Variants in JAZF1 observed in about 807,000 individuals in gnomAD.
JAZF1 encodes the protein JAZF zinc finger 1.
JAZF1 carries 8 observed loss-of-function variants against 26.4 expected under a neutral mutation model. The ratio of observed to expected loss-of-function variants is 0.30; its 90% CI spans 0.18 to 0.55. The LOEUF (loss-of-function observed/expected upper bound fraction) is 0.55. Among genes scored for constraint, JAZF1 ranks in the 20% least tolerant of loss-of-function variants. JAZF1 has a pLI of 0.94. For synonymous variants in JAZF1, 126 were observed against 122.3 expected (o/e 1.03, Z -0.20); for missense variants, 199 against 322.0 (o/e 0.62, Z 2.92).
chr7:28,073,904 T>C (rs1409377204), intron 1 of JAZF1, among the ~76,000 whole-genome samples: 1 of 148,790 alleles, frequency 6.7e-6, no homozygotes, highest in Non-Finnish European at 1.5e-5. Flanking sequence ...AGAAATTGCA[T>C]AAGAAAAAAG....
intron 2 of JAZF1, among the ~76,000 whole-genome samples, chr7:27,956,119 C>G (rs1350330556): frequency 6.6e-6 from 1 of 152,138 alleles, no homozygotes; most frequent in East Asian, 1.9e-4. Flanking sequence ...TCAAGGAAGT[C>G]TGTGAGTAGG....
intron 3 of JAZF1, among the ~76,000 whole-genome samples, chr7:27,868,763 T>A (rs1364646396): frequency 6.6e-6 from 1 of 152,154 alleles, no homozygotes; most frequent in Non-Finnish European, 1.5e-5. Flanking sequence ...CTTGGGGACT[T>A]ACTCCTTCAA....
intron 1 of JAZF1, among the ~76,000 whole-genome samples, chr7:28,166,101 G>A (rs1255967403): frequency 6.6e-6 from 1 of 151,188 alleles, no homozygotes; most frequent in Non-Finnish European, 1.5e-5. Context: ...TAACAAAAGA[G>A]GCCCTTGGTT....
At chr7:27,918,870 C>T (rs1366048247) in intron 2 of JAZF1, among the ~76,000 whole-genome samples, 2 of 152,044 alleles carry the variant, frequency 1.3e-5, no homozygotes, top group Admixed American at 1.3e-4. Context: ...ATTTGGTGAG[C>T]TTATACTAAA....
At position 27,832,877 on chromosome 7, in the gene JAZF1, C is replaced by A; in HGVS notation, c.655G>T (p.Ala219Ser). 6.2e-7 allele frequency: 1 copy of A among 1,613,298 alleles called. No homozygotes were observed. The highest frequency in any genetic ancestry group is 8.5e-7 in the Non-Finnish European group (1 of 1,179,686). ...KCRCGKSYKT[A>S]QGLRHHTINF... ...ATTGTGTGGTGCCGCAGGCCCTGAG[C>A]TGTCTTGTAACTCTTCCCACAGCGA... The change falls in exon 5 of 5, where the codon GCT becomes TCT. Residue 219 changes from alanine (A) to serine (S), a missense_variant. Transcript: ENST00000283928.
intron 1 of JAZF1, among the ~76,000 whole-genome samples, chr7:28,088,393 A>G (rs1784241858): frequency 6.6e-6 from 1 of 152,222 alleles, no homozygotes; most frequent in Admixed American, 6.5e-5. Flanking sequence ...TAGGCAATAC[A>G]TTAATAAGTG....
At chr7:27,834,408 A>C (rs1469257773) in intron 4 of JAZF1, among the ~76,000 whole-genome samples, 1 of 152,216 alleles carries the variant, frequency 6.6e-6, no homozygotes, top group Non-Finnish European at 1.5e-5. Context: ...AGGGGTGCCA[A>C]GTAGCAGCTG....
At chr7:27,910,720 G>A (rs7805497) in intron 2 of JAZF1, among the ~76,000 whole-genome samples, 35,786 of 152,064 alleles carry the variant, frequency 0.24, 4,722 homozygotes, top group Non-Finnish European at 0.3. Context: ...ACTTGCGTAT[G>A]CAGGAATGGT....
chr7:27,882,888 G>A (rs1202690083), intron 3 of JAZF1, among the ~76,000 whole-genome samples: 4 of 152,188 alleles, frequency 2.6e-5, no homozygotes, highest in Non-Finnish European at 5.9e-5. Flanking sequence ...TGTCTGGGCT[G>A]TGAATTCTTC....
chr7:28,125,084 C>T (rs1449643497), intron 1 of JAZF1, among the ~76,000 whole-genome samples: 9 of 150,952 alleles, frequency 6.0e-5, no homozygotes, highest in African/African-American at 2.2e-4. Flanking sequence ...CTGAATAGTG[C>T]CTAATATTCT....
intron 3 of JAZF1, among the ~76,000 whole-genome samples, chr7:27,894,691 A>T (rs1002502106): frequency 2.6e-5 from 4 of 152,196 alleles, no homozygotes; most frequent in Non-Finnish European, 4.4e-5. Flanking sequence ...TGAAAAAGCT[A>T]AATTGAAGGG....
intron 2 of JAZF1, among the ~76,000 whole-genome samples, chr7:27,906,687 A>C (rs2128344162): frequency 6.6e-6 from 1 of 152,336 alleles, no homozygotes; most frequent in South Asian, 2.1e-4. Flanking sequence ...AATAAAAAAC[A>C]CTTCTGAAAG....
At chr7:27,847,551 T>C (rs910385173) in intron 3 of JAZF1, among the ~76,000 whole-genome samples, 1 of 152,166 alleles carries the variant, frequency 6.6e-6, no homozygotes, top group Non-Finnish European at 1.5e-5. Flanking sequence ...CTTTCCCCAT[T>C]GTGTTCCCTC....
At chr7:28,135,266 C>T (rs1196155572) in intron 1 of JAZF1, among the ~76,000 whole-genome samples, 5 of 140,906 alleles carry the variant, frequency 3.5e-5, no homozygotes, top group Non-Finnish European at 5.9e-5. Flanking sequence ...GGAGCCCTCT[C>T]TCCTCAACTG....
intron 1 of JAZF1, among the ~76,000 whole-genome samples, chr7:28,075,432 A>T (rs909823729): frequency 3.3e-5 from 5 of 152,186 alleles, no homozygotes; most frequent in African/African-American, 1.2e-4. Flanking sequence ...ATGAGAAAAT[A>T]ATTTTAAAAT....
chr7:27,846,621 T>G, intron 3 of JAZF1: 1 of 462,694 alleles, frequency 2.2e-6, no homozygotes, highest in Admixed American at 2.4e-5. Flanking sequence ...TTGTTATTAC[T>G]TGTCTTTTTG....
intron 1 of JAZF1, among the ~76,000 whole-genome samples, chr7:28,076,614 A>G (rs1414280841): frequency 6.6e-6 from 1 of 152,110 alleles, no homozygotes; most frequent in Non-Finnish European, 1.5e-5. Flanking sequence ...ATGAGAACGA[A>G]AGAAAATCCA....
At chr7:28,030,083 G>A (rs978235699) in intron 1 of JAZF1, among the ~76,000 whole-genome samples, 8 of 152,212 alleles carry the variant, frequency 5.3e-5, no homozygotes, top group South Asian at 2.1e-4. Flanking sequence ...CTCTGCAGGC[G>A]GTGCCCCTCT....
At chr7:28,140,258 T>C (rs2127945378) in intron 1 of JAZF1, among the ~76,000 whole-genome samples, 1 of 152,068 alleles carries the variant, frequency 6.6e-6, no homozygotes, top group Middle Eastern at 3.4e-3. Context: ...AATTTTTGTA[T>C]TTTTAGTAGA....
Sources: gnomAD v4.1 joint callset for allele counts (sites outside exome capture counted in the v4.1 genomes callset) on GRCh38, gnomAD v4.1.1 for gene constraint, MANE v1.5 for transcripts, NCBI Gene and HGNC (gene_info 2026-07-23, HGNC 2026-07-21) for gene names.